The following GRB7 variants were observed in gnomAD, a reference collection of about 807,000 sequenced individuals.
GRB7 encodes the protein growth factor receptor-bound protein 7.
Under a neutral mutation model 64.1 loss-of-function variants are expected in GRB7, and 47 were observed. That is an observed-to-expected ratio of 0.73 (90% CI 0.58 to 0.94). GRB7 has a LOEUF of 0.94. Among genes scored for constraint, GRB7 ranks in the 40% least tolerant of loss-of-function variants. GRB7 has a pLI of 0.00. For synonymous variants in GRB7, 277 were observed against 279.9 expected (o/e 0.99, Z 0.10); for missense variants, 634 against 718.4 (o/e 0.88, Z 1.34).
chr17:39,746,646 GA>G (rs1567930967), intron 14 of GRB7, 104 bp from the exon 15 acceptor site: 14 of 441,604 alleles, frequency 3.2e-5, no homozygotes, highest in Middle Eastern at 5.8e-4. Flanking sequence ...AAAAGAAAAA[GA>G]AAAAAGAAAA....
intron 1 of GRB7, among the ~76,000 whole-genome samples, chr17:39,741,683 G>GGGT (rs1481901545): frequency 6.6e-6 from 1 of 152,220 alleles, no homozygotes; most frequent in Non-Finnish European, 1.5e-5. Context: ...GGCTTGTGGT[G>GGGT]GGTGGACCCT....
intron 1 of GRB7, among the ~76,000 whole-genome samples, chr17:39,740,546 T>C (rs887165422): frequency 5.3e-5 from 8 of 151,436 alleles, no homozygotes; most frequent in Non-Finnish European, 1.0e-4. Context: ...GGCGAGGAGG[T>C]GGTTTGGGAC....
Position 39,744,670 on chromosome 17 carries a change from A to T in GRB7, c.912+7A>T, listed in dbSNP as rs750265609. The T allele has an allele frequency of 1.3e-6, 2 of 1,593,594 alleles. No individual in the cohort carries two copies. The highest frequency in any genetic ancestry group is 3.5e-5 in the Admixed American group (2 of 57,030). ...CTTCGGTTTCTGTGTCAAGGTGAAG[A>T]CCTGGCCAGGCCTGGCCCCTGGCCT... On this transcript the variant is annotated splice_region_variant and intron_variant, in intron 8 of 14. Coordinates refer to ENST00000309156, the MANE Select transcript of GRB7 (RefSeq NM_005310.5).
rs759939838 is a variant in GRB7, at chr17:39,743,473, G to A, written c.663+3G>A. 2 of 1,612,632 alleles carry A rather than the reference G, an allele frequency of 1.2e-6. No individual in the cohort carries two copies. The highest frequency in any genetic ancestry group is 1.7e-6 in the Non-Finnish European group (2 of 1,178,680). On this transcript the variant is annotated splice_donor_region_variant and intron_variant, in intron 6 of 14. Coordinates refer to ENST00000309156, the MANE Select transcript of GRB7 (RefSeq NM_005310.5). ...TATCCCATGAAGACCTCATCCAGGT[G>A]GGGGGACCCCCCATTTCACTGCAGA...
Position 39,737,978 on chromosome 17 carries a change from C to G in GRB7, c.-206C>G, listed in dbSNP as rs921007851. Reference sequence around the variant, plus strand: ...GGAATCTGGACACACAGGGCTCCCCCCCGCCTCTGACTTCTCTGTCCGAAG... The same window carrying G: ...GGAATCTGGACACACAGGGCTCCCCGCCGCCTCTGACTTCTCTGTCCGAAG... On this transcript the variant is annotated 5_prime_UTR_variant, in exon 1 of 15. Coordinates refer to ENST00000309156, the MANE Select transcript of GRB7 (RefSeq NM_005310.5). 8 of 152,338 alleles carry G rather than the reference C, an allele frequency of 5.3e-5. No individual in the cohort carries two copies. The highest frequency in any genetic ancestry group is 3.9e-4 in the Admixed American group (6 of 15,290). 9.4% of individuals were successfully genotyped at this position (152,338 alleles called of 1,614,324 possible). A position where few individuals can be genotyped will look rare whatever the true frequency, so the allele number is the denominator to read the frequency against.
At chr17:39,743,087 G>A in intron 4 of GRB7, 33 bp downstream of exon 4, 1 of 1,597,368 alleles carries the variant, frequency 6.3e-7, no homozygotes, top group Non-Finnish European at 8.6e-7. Context: ...TCCGGGCTGG[G>A]AGATGATGCC....
At chr17:39,738,732 C>G (rs994613883) in intron 1 of GRB7, 8 of 546,266 alleles carry the variant, frequency 1.5e-5, no homozygotes, top group Non-Finnish European at 2.2e-5. Context: ...CCAGTTTACC[C>G]CAGTTTGGGT....
At chr17:39,743,536 C>G (rs760823531) in intron 6 of GRB7, 66 bp downstream of exon 6, 25 of 1,288,806 alleles carry the variant, frequency 1.9e-5, no homozygotes, top group Non-Finnish European at 2.7e-5. Flanking sequence ...CTTCTCCACC[C>G]TTAAGTCCTG....
chr17:39,746,899 C>T lies in GRB7; in HGVS notation c.*2C>T. The stretch of plus-strand genomic sequence containing the variant: ...TGCTGCACGCGGGTGGCCCTCTGAC[C>T]AGGCCGTGGACTGGCTCATGCCTCA... On this transcript the variant is annotated 3_prime_UTR_variant, in exon 15 of 15. Coordinates refer to ENST00000309156, the MANE Select transcript of GRB7 (RefSeq NM_005310.5). The T allele has an allele frequency of 6.2e-7, 1 of 1,605,126 alleles. No individual in the cohort carries two copies.
chr17:39,746,616 C>CAAAA, intron 14 of GRB7, 135 bp from the exon 15 acceptor site: 1 of 983,958 alleles, frequency 1.0e-6, no homozygotes, highest in Non-Finnish European at 1.4e-6. Flanking sequence ...AAAACTGTCT[C>CAAAA]AAAAAAAAAA....
Position 39,746,924 on chromosome 17 carries a change from AGCCCGCCTTCAGGCT to A in GRB7, c.*35_*49del. 1 of 1,586,980 alleles carries A rather than the reference AGCCCGCCTTCAGGCT, an allele frequency of 6.3e-7. No homozygotes were observed. Among genetic ancestry groups the A allele is most frequent in the South Asian group, 1.1e-5 (1 of 90,216 alleles). ...CAGGCCGTGGACTGGCTCATGCCTC[AGCCCGCCTTCAGGCT>A]GCCCGCCGCCCCTCCACCCATCCAG... is the stretch of plus-strand genomic sequence containing the variant. On this transcript the variant is annotated 3_prime_UTR_variant, in exon 15 of 15. Transcript: ENST00000309156.
Position 39,743,290 on chromosome 17 carries a change from A to C in GRB7, c.574A>C (p.Lys192Gln). 1 of 1,614,202 alleles carries C rather than the reference A, an allele frequency of 6.2e-7. No homozygotes were observed. ...RKNFAKYELFKSSPHSLFPEK... is the reference protein window; with the variant it reads ...RKNFAKYELFQSSPHSLFPEK... ...AAACTTCGCCAAGTACGAACTGTTC[A>C]AGAGCTCCCCAGTGAGTGCATGAGG... is the stretch of plus-strand genomic sequence containing the variant. The change falls in exon 5 of 15, where the codon AAG becomes CAG. Residue 192 changes from lysine to glutamine, a missense_variant. Physicochemically the swap from Lys to Gln is moderately conservative, Grantham distance 53 (BLOSUM62 1). Transcript: ENST00000309156.
intron 9 of GRB7, 37 bp downstream of exon 9, chr17:39,745,021 C>T: frequency 1.3e-6 from 2 of 1,510,548 alleles, no homozygotes; most frequent in Non-Finnish European, 9.2e-7. Flanking sequence ...GCTGGCCTGG[C>T]CAGAGGGATC....
In GRB7 at chr17:39,742,996, T is replaced by G; in HGVS notation, c.405T>G (p.Ala135=). 6.2e-7 allele frequency: 1 copy of G among 1,613,132 alleles called. No homozygotes were observed. The highest frequency in any genetic ancestry group is 8.5e-7 in the Non-Finnish European group (1 of 1,179,494). The change falls in exon 4 of 15, where the codon GCT becomes GCG. Residue 135 remains alanine (A), a synonymous_variant. Coordinates refer to ENST00000309156, the MANE Select transcript of GRB7 (RefSeq NM_005310.5). ...RHVCEMLVQR[A]HALSDETWGL... ...TGTGTGAAATGCTGGTGCAGCGAGC[T>G]CACGCCTTGAGCGACGAGACCTGGG...
At chr17:39,745,118 T>C (rs1369391421) in intron 9 of GRB7, 125 bp from the exon 10 acceptor site, 4 of 1,095,206 alleles carry the variant, frequency 3.7e-6, no homozygotes, top group African/African-American at 3.1e-5. Flanking sequence ...CCTGAAGTTA[T>C]AGGAAGTGCC....
In GRB7 at chr17:39,744,558, G is replaced by A. The variant is rs149171777; in HGVS notation, c.807G>A (p.Pro269=). 1.1e-5 allele frequency: 18 copies of A among 1,607,600 alleles called. No homozygotes were observed. The East Asian group carries it at 1.4e-4, about 12-fold the overall frequency. ...YYSTKGTSKD[P]RHLQYVADVN... ...TGCTCACTCATGCTGCTTAGGATCC[G>A]AGGCACCTGCAGTACGTGGCAGATG... Residue 269 remains proline (P), a synonymous_variant, in exon 8 of 15, where the codon CCG becomes CCA. Coordinates refer to ENST00000309156, the MANE Select transcript of GRB7 (RefSeq NM_005310.5).
intron 1 of GRB7, among the ~76,000 whole-genome samples, chr17:39,742,050 G>A (rs564176176): frequency 1.3e-5 from 2 of 149,642 alleles, no homozygotes; most frequent in South Asian, 2.1e-4. Flanking sequence ...TTCTACTCCC[G>A]ACTCACCTGT....
At chr17:39,740,638 C>G (rs2059987069) in intron 1 of GRB7, among the ~76,000 whole-genome samples, 1 of 50 alleles carries the variant, frequency 0.02, no homozygotes, top group Non-Finnish European at 0.031. Context: ...TCAGGAGCCT[C>G]AGGCCCACAT....
chr17:39,744,455 C>G, intron 7 of GRB7, 98 bp from the exon 8 acceptor site: 1 of 1,001,218 alleles, frequency 1.0e-6, no homozygotes, highest in African/African-American at 1.6e-5. Flanking sequence ...ATTCCCCTGC[C>G]CCTCTCTGGT....
Sources: allele counts gnomAD v4.1 joint callset (sites outside exome capture counted in the v4.1 genomes callset), GRCh38; gene constraint gnomAD v4.1.1; transcripts MANE v1.5; gene names NCBI Gene and HGNC (gene_info 2026-07-23, HGNC 2026-07-21).